The following FRMD5 variants were observed in gnomAD, a reference collection of about 807,000 sequenced individuals.
FRMD5 encodes the protein FERM domain-containing protein 5.
A neutral mutation model predicts 69.0 loss-of-function variants in FRMD5; 20 were observed. The ratio of observed to expected loss-of-function variants is 0.29; its 90% CI spans 0.20 to 0.42. The LOEUF is 0.42. Ranked by LOEUF, FRMD5 falls within the 10% of genes least tolerant of loss-of-function variation. The pLI is 1.00. For missense variants in FRMD5, 595 were observed against 708.6 expected, an observed-to-expected ratio of 0.84 and a Z score of 1.82; for synonymous variants, 271 against 260.1, an observed-to-expected ratio of 1.04 and a Z score of -0.40.
At chr15:43,926,186 C>T (rs986495464) in intron 1 of FRMD5, among the ~76,000 whole-genome samples, 3 of 152,194 alleles carry the variant, frequency 2.0e-5, no homozygotes, top group Admixed American at 1.3e-4. Flanking sequence ...CCTTCTACTT[C>T]AGAGACCTGC....
chr15:44,033,319 A>T (rs1238775019), intron 1 of FRMD5, among the ~76,000 whole-genome samples: 2 of 152,142 alleles, frequency 1.3e-5, no homozygotes, highest in Admixed American at 1.3e-4. Context: ...TGATGAAATA[A>T]TATCTACAAC....
rs1225393011 is a variant in FRMD5, at chr15:43,873,997, T to G, written c.1601A>C (p.Asp534Ala). The G allele has an allele frequency of 6.2e-7, 1 of 1,614,136 alleles. No individual in the cohort carries two copies. Among genetic ancestry groups the G allele is most frequent in the East Asian group, 2.2e-5 (1 of 44,886 alleles). The change falls in exon 14 of 14, where the codon GAT (aspartate) becomes GCT (alanine). Residue 534 changes from aspartate to alanine, a missense_variant. By Grantham distance (126) the Asp-to-Ala change is moderately radical. Around this residue, in one of 5 missense-constraint regions of FRMD5, gnomAD observed 245 missense variants for 227.1 expected, o/e 1.08. Coordinates refer to ENST00000417257, the MANE Select transcript of FRMD5 (RefSeq NM_032892.5). ...TTCAAACTCGGGGGTCTGGCGGATA[T>G]CACGGAAAAAGGCAATGTCAAGGTC... is the stretch of plus-strand genomic sequence containing the variant. ...ESDLDIAFFR[D>A]IRQTPEFEQF...
chr15:43,992,343 CT>C (rs5812259), intron 1 of FRMD5, among the ~76,000 whole-genome samples: 111,609 of 134,956 alleles, frequency 0.83, 46,606 homozygotes, highest in Non-Finnish European at 0.9. Flanking sequence ...GTTGTAAATT[CT>C]TTTTTTTTTT....
At chr15:44,050,656 CTTTT>C (rs34621458) in intron 1 of FRMD5, among the ~76,000 whole-genome samples, 7 of 142,520 alleles carry the variant, frequency 4.9e-5, no homozygotes, top group African/African-American at 1.6e-4. Context: ...GCACACTGGC[CTTTT>C]TTTTTTTTCT....
At chr15:43,995,374 G>A (rs573885293) in intron 1 of FRMD5, among the ~76,000 whole-genome samples, 1 of 152,330 alleles carries the variant, frequency 6.6e-6, no homozygotes, top group South Asian at 2.1e-4. Context: ...CAGCTACAAA[G>A]GGCTGAAGCC....
intron 1 of FRMD5, among the ~76,000 whole-genome samples, chr15:44,075,920 G>A (rs1388025138): frequency 1.3e-5 from 2 of 152,164 alleles, no homozygotes. Flanking sequence ...GGCCAGTGAT[G>A]ATGAGCATTT....
At chr15:43,958,977 T>C (rs1455182801) in intron 1 of FRMD5, among the ~76,000 whole-genome samples, 3 of 152,146 alleles carry the variant, frequency 2.0e-5, no homozygotes, top group Non-Finnish European at 2.9e-5. Flanking sequence ...CAAACAACAC[T>C]GACATCAACT....
At chr15:44,140,084 T>C (rs575878339) in intron 1 of FRMD5, among the ~76,000 whole-genome samples, 10 of 152,196 alleles carry the variant, frequency 6.6e-5, no homozygotes, top group African/African-American at 2.4e-4. Flanking sequence ...TATGTGTGTA[T>C]ACATATATAC....
intron 10 of FRMD5, 57 bp downstream of exon 10, chr15:43,888,118 G>A (rs999582925): frequency 2.0e-5 from 27 of 1,375,760 alleles, no homozygotes; most frequent in Middle Eastern, 1.8e-4. Flanking sequence ...TCCTGTCACC[G>A]ACTCTCTCTG....
chr15:43,880,662 G>A (rs1388735482), intron 13 of FRMD5, among the ~76,000 whole-genome samples: 5 of 152,326 alleles, frequency 3.3e-5, no homozygotes, highest in African/African-American at 9.6e-5. Flanking sequence ...CATCTAATGG[G>A]TCCTGGGCTG....
At position 44,044,656 on chromosome 15, in the gene FRMD5, C is replaced by T. The variant is rs1209813374; in HGVS notation, c.103-120347G>A. On this transcript the variant is annotated intron_variant, in intron 1 of 13. Coordinates refer to ENST00000417257, the MANE Select transcript of FRMD5 (RefSeq NM_032892.5). ...GAAACCATCATTCTCAGCAAACTAACACAAGAACAGAAAATCAAACACCGC... is the reference window on the plus strand; with the variant it reads ...GAAACCATCATTCTCAGCAAACTAATACAAGAACAGAAAATCAAACACCGC... 3.3e-5 allele frequency among the ~76,000 whole-genome samples: 5 copies of T among 151,832 alleles called. No homozygotes were observed. The East Asian group carries it at 9.6e-4, about 29-fold the overall frequency.
At chr15:43,884,420 G>C (rs1430245875) in intron 12 of FRMD5, among the ~76,000 whole-genome samples, 2 of 152,194 alleles carry the variant, frequency 1.3e-5, no homozygotes, top group Non-Finnish European at 2.9e-5. Flanking sequence ...ACTGGTTCCA[G>C]AACCACTGAA....
intron 1 of FRMD5, among the ~76,000 whole-genome samples, chr15:44,050,810 A>G (rs916777078): frequency 1.3e-5 from 2 of 151,428 alleles, no homozygotes; most frequent in Non-Finnish European, 2.9e-5. Context: ...GGTGCGCACC[A>G]CCACACTCAG....
At chr15:43,876,945 T>C (rs1567203387) in intron 13 of FRMD5, among the ~76,000 whole-genome samples, 1 of 152,154 alleles carries the variant, frequency 6.6e-6, no homozygotes, top group African/African-American at 2.4e-5. Context: ...CCATTATCTC[T>C]TCTCTCTTCC....
chr15:44,042,994 A>G (rs11630815), intron 1 of FRMD5, among the ~76,000 whole-genome samples: 137,163 of 152,112 alleles, frequency 0.9, 62,394 homozygotes, highest in East Asian at 1. Flanking sequence ...AATTGTCCCT[A>G]TTTGCAGATG....
chr15:44,150,336 T>C (rs1043766925), intron 1 of FRMD5, among the ~76,000 whole-genome samples: 2 of 151,048 alleles, frequency 1.3e-5, no homozygotes, highest in African/African-American at 2.4e-5. Context: ...AAATAAGTCA[T>C]AGAAGTTAGA....
At position 43,966,220 on chromosome 15, in the gene FRMD5, A is replaced by G. The variant is rs191815516; in HGVS notation, c.103-41911T>C. Among the ~76,000 whole-genome samples the G allele has an allele frequency of 9.4e-4, 143 of 152,014 alleles. 1 individual carries two copies. Among genetic ancestry groups the G allele is most frequent in the Admixed American group, 3.4e-3 (52 of 15,262 alleles). ...ACCGCATCTCTAATAAAAATACAAA[A>G]GTTAGCCGGGGCGTGGTGGTGCATG... On this transcript the variant is annotated intron_variant, in intron 1 of 13. Transcript: ENST00000417257.
chr15:44,172,890 A>G (rs889099681), intron 1 of FRMD5, among the ~76,000 whole-genome samples: 3 of 152,234 alleles, frequency 2.0e-5, no homozygotes, highest in Non-Finnish European at 4.4e-5. Flanking sequence ...AGCTATCAAA[A>G]GGGAAGATAC....
At chr15:44,025,170 C>A (rs929736119) in intron 1 of FRMD5, among the ~76,000 whole-genome samples, 2 of 152,014 alleles carry the variant, frequency 1.3e-5, no homozygotes, top group Non-Finnish European at 2.9e-5. Context: ...ACCACCATCA[C>A]CATTATTAGG....
Sources: gnomAD v4.1 joint callset for allele counts (sites outside exome capture counted in the v4.1 genomes callset) on GRCh38, gnomAD v4.1.1 for gene constraint, gnomAD v4.1.1 regional missense constraint, MANE v1.5 for transcripts, NCBI Gene and HGNC (gene_info 2026-07-23, HGNC 2026-07-21) for gene names.